TLL1: variants seen among roughly 807,000 people sequenced by gnomAD.
The protein encoded by TLL1 is tolloid like 1.
In TLL1, 49 loss-of-function variants were observed where a neutral mutation model predicts 128.2. That is an observed-to-expected ratio of 0.38 (90% CI 0.30 to 0.48). The LOEUF (loss-of-function observed/expected upper bound fraction) is 0.48, where lower values mean the gene tolerates loss of function less well. TLL1 is among the 20% of genes least tolerant of loss of function. The pLI, the probability that TLL1 is intolerant of heterozygous loss-of-function variation, is 0.96. For synonymous variants in TLL1, 454 were observed against 418.8 expected (o/e 1.08, Z -1.03); for missense variants, 1,123 against 1,242.0 (o/e 0.90, Z 1.44).
rs1742277371 is a variant in TLL1 at position 166,101,315 on chromosome 4, A to G, written c.*439A>G. ...GTCTTAGGATAATTGCTGACTTTGT[A>G]TCTTGGATACAGTGTAAACCAGATC... On this transcript the variant is annotated 3_prime_UTR_variant, in exon 21 of 21. Transcript: ENST00000061240. 1 of 258,398 alleles carries G rather than the reference A, an allele frequency of 3.9e-6. No individual in the cohort carries two copies. The highest frequency in any genetic ancestry group is 4.6e-5 in the South Asian group (1 of 21,656). 16.0% of individuals were successfully genotyped at this position (258,398 alleles called of 1,614,324 possible).
intron 9 of TLL1, 102 bp from the exon 10 acceptor site, chr4:166,039,237 G>A: frequency 2.6e-6 from 2 of 767,186 alleles, no homozygotes; most frequent in East Asian, 2.7e-5. Flanking sequence ...AGCTGCACAT[G>A]CATTTTTACT....
intron 1 of TLL1, among the ~76,000 whole-genome samples, chr4:165,876,444 T>C (rs1730726705): frequency 6.6e-6 from 1 of 152,218 alleles, no homozygotes; most frequent in African/African-American, 2.4e-5. Context: ...GCATCTTTGA[T>C]CTGCCCTTTC....
intron 18 of TLL1, among the ~76,000 whole-genome samples, chr4:166,087,685 G>A (rs1741586149): frequency 1.3e-5 from 2 of 152,028 alleles, no homozygotes; most frequent in Non-Finnish European, 2.9e-5. Flanking sequence ...ACTCTGTAAG[G>A]CCTCATTCTT....
At chr4:165,948,964 G>A (rs1050500005) in intron 1 of TLL1, among the ~76,000 whole-genome samples, 1 of 152,190 alleles carries the variant, frequency 6.6e-6, no homozygotes, top group South Asian at 2.1e-4. Context: ...TGATGATACA[G>A]GTATAGCTGT....
At chr4:165,897,830 T>C (rs1731756793) in intron 1 of TLL1, among the ~76,000 whole-genome samples, 1 of 152,074 alleles carries the variant, frequency 6.6e-6, no homozygotes, top group African/African-American at 2.4e-5. Flanking sequence ...AGTATGGCCA[T>C]TTTCATGATG....
chr4:166,005,809 A>G (rs1009056814), intron 6 of TLL1, among the ~76,000 whole-genome samples: 4 of 151,936 alleles, frequency 2.6e-5, no homozygotes, highest in African/African-American at 9.7e-5. Context: ...TACTCTTAAA[A>G]ATAGGATCCT....
chr4:166,044,866 T>C (rs955951357), intron 12 of TLL1, among the ~76,000 whole-genome samples: 1 of 152,226 alleles, frequency 6.6e-6, no homozygotes, highest in Non-Finnish European at 1.5e-5. Flanking sequence ...ATAGACATGA[T>C]GTCAGAAAAT....
chr4:166,025,481 G>C (rs759860413), intron 9 of TLL1, 50 bp downstream of exon 9: 1 of 1,356,062 alleles, frequency 7.4e-7, no homozygotes, highest in Non-Finnish European at 1.1e-6. Flanking sequence ...AAGTACAAAA[G>C]TTCATCATCC....
rs549891202 is a variant in TLL1, at chr4:166,012,417, G to C, written c.918-2019G>C. 1.1e-4 allele frequency among the ~76,000 whole-genome samples: 17 copies of C among 151,648 alleles called. 1 individual carries two copies. The Middle Eastern group carries it at 0.017, about 154-fold the overall frequency. On this transcript the variant is annotated intron_variant, in intron 7 of 20. Transcript: ENST00000061240. ...AGAATGAAACAAAATTCATAATTCT[G>C]TTGTCTGAAATTGAATATATTCTCT...
At chr4:166,014,671 G>T in intron 8 of TLL1, 111 bp downstream of exon 8, 1 of 1,506,788 alleles carries the variant, frequency 6.6e-7, no homozygotes. Flanking sequence ...GTTGGCAAGT[G>T]ACGTGTACAG....
chr4:166,020,235 T>C (rs939276095), intron 8 of TLL1, among the ~76,000 whole-genome samples: 17 of 152,194 alleles, frequency 1.1e-4, no homozygotes, highest in African/African-American at 3.9e-4. Flanking sequence ...ATCCTTTGTC[T>C]TTATGATGGT....
chr4:166,077,122 C>T (rs1197505935), intron 17 of TLL1, among the ~76,000 whole-genome samples: 1 of 151,890 alleles, frequency 6.6e-6, no homozygotes, highest in Non-Finnish European at 1.5e-5. Flanking sequence ...TGTTATAGAG[C>T]TTCCTAAATT....
rs893242649 is a variant in TLL1, at chr4:165,993,247, T to C, written c.361+363T>C. 2.6e-5 allele frequency among the ~76,000 whole-genome samples: 4 copies of C among 152,106 alleles called. No homozygotes were observed. The South Asian group carries it at 6.2e-4, about 24-fold the overall frequency. On this transcript the variant is annotated intron_variant, in intron 3 of 20. Transcript: ENST00000061240. ...TCATGGTTATTTGTTTTGAAATAAATCTACTTAAAGTAAAATGAAAAACTT... is the reference window on the plus strand; with the variant it reads ...TCATGGTTATTTGTTTTGAAATAAACCTACTTAAAGTAAAATGAAAAACTT...
intron 2 of TLL1, among the ~76,000 whole-genome samples, chr4:165,992,005 G>C (rs1358040040): frequency 6.6e-6 from 1 of 151,928 alleles, no homozygotes; most frequent in African/African-American, 2.4e-5. Flanking sequence ...TGAAAATCTG[G>C]AGACTTGAAT....
At position 165,972,164 on chromosome 4, in the gene TLL1, T is replaced by C. The variant is rs113808398; in HGVS notation, c.170-17217T>C. Among the ~76,000 whole-genome samples, 1,084 of 152,236 alleles carry C rather than the reference T, an allele frequency of 7.1e-3. 11 individuals are homozygous for C. The highest frequency in any genetic ancestry group is 0.025 in the African/African-American group (1,030 of 41,534). On this transcript the variant is annotated intron_variant, in intron 1 of 20. Transcript: ENST00000061240. ...TATATTTTATGACCTGGAAAATAAC[T>C]ATTAGGTAGATCACAGACATAGTGG...
intron 1 of TLL1, among the ~76,000 whole-genome samples, chr4:165,967,379 A>G (rs1460195093): frequency 1.3e-5 from 2 of 152,228 alleles, no homozygotes; most frequent in African/African-American, 4.8e-5. Context: ...GGCCTAGGAA[A>G]TTATAAGAGC....
At chr4:165,965,406 T>C (rs1326388252) in intron 1 of TLL1, among the ~76,000 whole-genome samples, 2 of 152,206 alleles carry the variant, frequency 1.3e-5, no homozygotes, top group African/African-American at 4.8e-5. Flanking sequence ...GACTCCAATA[T>C]CCAACACAAA....
chr4:166,080,086 A>C (rs1348142768), intron 18 of TLL1, among the ~76,000 whole-genome samples: 2 of 152,128 alleles, frequency 1.3e-5, no homozygotes, highest in Non-Finnish European at 2.9e-5. Flanking sequence ...TTATTTTCTC[A>C]TAGTTCTGGA....
In TLL1 at chr4:165,873,692, C is replaced by A; in HGVS notation, c.-213C>A. ...CGCCCACCCGTGGGCCCCTAGCCAACTTCTCCCTGCGACTGGGGGTAACAG... is the reference window on the plus strand; with the variant it reads ...CGCCCACCCGTGGGCCCCTAGCCAAATTCTCCCTGCGACTGGGGGTAACAG... On this transcript the variant is annotated 5_prime_UTR_variant, in exon 1 of 21. Coordinates refer to ENST00000061240, the MANE Select transcript of TLL1 (RefSeq NM_012464.5). The A allele has an allele frequency of 1.8e-6, 1 of 561,338 alleles. No individual in the cohort carries two copies. The highest frequency in any genetic ancestry group is 3.1e-5 in the Admixed American group (1 of 32,476). 34.8% of individuals were successfully genotyped at this position (561,338 alleles called of 1,614,324 possible).
Sources: gnomAD v4.1 joint callset for allele counts (sites outside exome capture counted in the v4.1 genomes callset) on GRCh38, gnomAD v4.1.1 for gene constraint, MANE v1.5 for transcripts, NCBI Gene and HGNC (gene_info 2026-07-23, HGNC 2026-07-21) for gene names.